Variants in CDH12 observed in about 807,000 individuals in gnomAD.
CDH12 encodes cadherin 12.
In CDH12, 41 loss-of-function variants were observed where a neutral mutation model predicts 74.1. That is an observed-to-expected ratio of 0.55 (90% confidence interval 0.43 to 0.72). The LOEUF is 0.72. Ranked by LOEUF, CDH12 falls within the 30% of genes least tolerant of loss-of-function variation. The pLI is 0.00. For missense variants in CDH12, 945 were observed against 977.2 expected (o/e 0.97, Z 0.44); for synonymous variants, 399 against 355.0 (o/e 1.12, Z -1.39).
chr5:22,509,577 G>A (rs777716471), intron 1 of CDH12, among the ~76,000 whole-genome samples: 5 of 152,114 alleles, frequency 3.3e-5, no homozygotes, highest in Admixed American at 1.3e-4. Context: ...CTTCCATAAG[G>A]CTTCAATTAC....
intron 1 of CDH12, among the ~76,000 whole-genome samples, chr5:22,834,403 G>T (rs572097749): frequency 1.3e-5 from 2 of 152,226 alleles, no homozygotes; most frequent in South Asian, 2.1e-4. Context: ...CAACAGAAAG[G>T]TTTGCAAGTA....
At chr5:22,439,251 C>T (rs1252902647) in intron 2 of CDH12, among the ~76,000 whole-genome samples, 2 of 151,696 alleles carry the variant, frequency 1.3e-5, no homozygotes, top group Non-Finnish European at 2.9e-5. Flanking sequence ...TTATATTAGA[C>T]AAAAATAAAA....
chr5:22,639,497 T>C (rs1330224402), intron 1 of CDH12, among the ~76,000 whole-genome samples: 1 of 150,062 alleles, frequency 6.7e-6, no homozygotes, highest in African/African-American at 2.4e-5. Context: ...CAATTGGCCG[T>C]CTTGACACTG....
At chr5:22,147,374 G>T (rs1747256222) in intron 4 of CDH12, among the ~76,000 whole-genome samples, 1 of 151,812 alleles carries the variant, frequency 6.6e-6, no homozygotes, top group South Asian at 2.1e-4. Flanking sequence ...AAAATCCAAG[G>T]TAAACTCTTA....
At chr5:22,737,291 T>G (rs1338256477) in intron 1 of CDH12, among the ~76,000 whole-genome samples, 2 of 151,902 alleles carry the variant, frequency 1.3e-5, no homozygotes, top group African/African-American at 4.8e-5. Context: ...AATAATATGT[T>G]TAAATGAATC....
intron 2 of CDH12, among the ~76,000 whole-genome samples, chr5:22,489,761 C>A (rs926001754): frequency 7.2e-6 from 1 of 138,194 alleles, no homozygotes; most frequent in Non-Finnish European, 1.5e-5. Context: ...AAATACGGTT[C>A]ATTGCAGCCT....
chr5:22,451,854 T>A (rs1412453146), intron 2 of CDH12, among the ~76,000 whole-genome samples: 1 of 151,830 alleles, frequency 6.6e-6, no homozygotes, highest in Non-Finnish European at 1.5e-5. Context: ...ACTCCACTAA[T>A]AGAATTGTTA....
intron 6 of CDH12, among the ~76,000 whole-genome samples, chr5:21,857,364 G>T (rs1250622768): frequency 1.3e-5 from 2 of 151,780 alleles, no homozygotes; most frequent in Non-Finnish European, 2.9e-5. Context: ...GGTTATATCT[G>T]CAGAGAGAAT....
intron 3 of CDH12, among the ~76,000 whole-genome samples, chr5:22,248,034 C>G (rs955559273): frequency 6.6e-6 from 1 of 152,140 alleles, no homozygotes; most frequent in African/African-American, 2.4e-5. Context: ...CAGTGGCTCA[C>G]GCCTGTAATC....
At chr5:22,060,266 A>G (rs1451703758) in intron 5 of CDH12, among the ~76,000 whole-genome samples, 2 of 151,868 alleles carry the variant, frequency 1.3e-5, no homozygotes, top group Non-Finnish European at 2.9e-5. Context: ...GGAGATTAAC[A>G]ATAAGAACAC....
chr5:22,276,404 C>T (rs1359560595), intron 3 of CDH12, among the ~76,000 whole-genome samples: 1 of 152,098 alleles, frequency 6.6e-6, no homozygotes, highest in Non-Finnish European at 1.5e-5. Flanking sequence ...CTCAATATGT[C>T]TTGTACTAGT....
chr5:22,831,371 C>G (rs11739857), intron 1 of CDH12, among the ~76,000 whole-genome samples: 63,374 of 146,408 alleles, frequency 0.43, 14,581 homozygotes, highest in Middle Eastern at 0.54. Context: ...GTGTGTGTGT[C>G]TGTGTGTGTG....
At chr5:22,406,030 A>AT (rs1345543328) in intron 2 of CDH12, among the ~76,000 whole-genome samples, 1 of 152,140 alleles carries the variant, frequency 6.6e-6, no homozygotes, top group Non-Finnish European at 1.5e-5. Context: ...TACGGATGCA[A>AT]TTTTTTAAAG....
chr5:22,298,033 A>G (rs562137166), intron 3 of CDH12, among the ~76,000 whole-genome samples: 88 of 151,734 alleles, frequency 5.8e-4, no homozygotes, highest in Admixed American at 5.7e-3. Flanking sequence ...GTGTTTGTTA[A>G]TGGGAAATTC....
intron 4 of CDH12, among the ~76,000 whole-genome samples, chr5:22,113,679 C>T (rs1744938220): frequency 1.3e-5 from 2 of 152,066 alleles, no homozygotes; most frequent in African/African-American, 2.4e-5. Context: ...GTGTCACAGG[C>T]CATGGTTACT....
At chr5:22,105,231 A>G (rs1474505349) in intron 4 of CDH12, among the ~76,000 whole-genome samples, 1 of 150,792 alleles carries the variant, frequency 6.6e-6, no homozygotes, top group Admixed American at 6.6e-5. Flanking sequence ...AACTGGGATT[A>G]CAGGCATGCA....
chr5:21,870,198 T>C (rs1397653975), intron 6 of CDH12, among the ~76,000 whole-genome samples: 1 of 152,210 alleles, frequency 6.6e-6, no homozygotes, highest in Non-Finnish European at 1.5e-5. Context: ...CTCTTTCTTT[T>C]GAAAATTGCC....
intron 3 of CDH12, among the ~76,000 whole-genome samples, chr5:22,270,091 A>G (rs1736320982): frequency 1.3e-5 from 2 of 152,142 alleles, no homozygotes; most frequent in Non-Finnish European, 2.9e-5. Flanking sequence ...CTTTGGGAAG[A>G]GCTGGGAGTA....
chr5:22,733,863 G>A (rs920905566), intron 1 of CDH12, among the ~76,000 whole-genome samples: 5 of 151,848 alleles, frequency 3.3e-5, no homozygotes, highest in Non-Finnish European at 7.4e-5. Flanking sequence ...AGCTTGCAGA[G>A]AAGGCGTATT....
Sources: allele counts gnomAD v4.1 joint callset (sites outside exome capture counted in the v4.1 genomes callset), GRCh38; gene constraint gnomAD v4.1.1; transcripts MANE v1.5; gene names NCBI Gene and HGNC (gene_info 2026-07-23, HGNC 2026-07-21).